Variants in TIAM1 observed in about 807,000 individuals in gnomAD.
TIAM1 encodes TIAM Rac1 associated GEF 1.
TIAM1 carries 65 observed loss-of-function variants against 163.5 expected under a neutral mutation model. That is an observed-to-expected ratio of 0.40 (90% CI 0.33 to 0.49). TIAM1 has a LOEUF of 0.49. Ranked by LOEUF, TIAM1 falls within the 20% of genes least tolerant of loss-of-function variation. TIAM1 has a pLI of 0.77. For synonymous variants in TIAM1, 833 were observed against 810.1 expected (o/e 1.03, Z -0.48); for missense variants, 1,789 against 2,044.7 (o/e 0.87, Z 2.41).
rs2087927436 is a variant in TIAM1 at position 31,225,832 on chromosome 21, T to C, written c.1703A>G (p.Lys568Arg). ...DTLRLLKSEI[K>R]KLEQKIDMDE... is the part of the protein sequence containing the mutation. ...CATGTCAATCTTCTGTTCCAGTTTT[T>C]TGATCTCTGATTTCAGGAGTCGGAG... is the stretch of plus-strand genomic sequence containing the variant. The change falls in exon 7 of 28, where the codon AAA (lysine) becomes AGA (arginine). Residue 568 changes from lysine (K) to arginine (R), a missense_variant. Physicochemically the swap from Lys to Arg is conservative, Grantham distance 26 (BLOSUM62 2). This residue lies in a region of TIAM1 where 456 missense variants were observed against 586.6 expected (regional missense o/e 0.78). Coordinates refer to ENST00000541036, the MANE Select transcript of TIAM1 (RefSeq NM_001353694.2). 2.5e-6 allele frequency: 4 copies of C among 1,614,106 alleles called. No individual in the cohort carries two copies. Among genetic ancestry groups the C allele is most frequent in the African/African-American group, 2.7e-5 (2 of 74,934 alleles).
chr21:31,166,950 C>T (rs2833320), intron 15 of TIAM1, among the ~76,000 whole-genome samples: 10,312 of 152,146 alleles, frequency 0.068, 1,207 homozygotes, highest in African/African-American at 0.24. Flanking sequence ...CTGTGGTCTG[C>T]AGAATCACAA....
intron 15 of TIAM1, among the ~76,000 whole-genome samples, chr21:31,181,756 C>CTTTTTTTTTTTTTTTTT (rs781153297): frequency 9.7e-5 from 4 of 41,332 alleles, no homozygotes; most frequent in African/African-American, 1.6e-4. Flanking sequence ...TCTTCTTCTT[C>CTTTTTTTTTTTTTTTTT]TTTTTTTTTT....
At chr21:31,503,524 AAAGGAAGGAAAG>A (rs1254267416) in intron 1 of TIAM1, among the ~76,000 whole-genome samples, 6 of 111,646 alleles carry the variant, frequency 5.4e-5, no homozygotes, top group African/African-American at 2.1e-4. Context: ...AGAGAAAGAG[AAAGGAAGGAAAG>A]AAGGAAGGAA....
chr21:31,341,652 T>C (rs933751917), intron 1 of TIAM1, among the ~76,000 whole-genome samples: 1 of 152,126 alleles, frequency 6.6e-6, no homozygotes, highest in Admixed American at 6.5e-5. Flanking sequence ...TTTGGTCCAC[T>C]GTGTGTGGTG....
intron 1 of TIAM1, among the ~76,000 whole-genome samples, chr21:31,496,611 G>GA (rs34798663): frequency 3.3e-5 from 5 of 151,540 alleles, no homozygotes; most frequent in East Asian, 1.9e-4. Context: ...TATTATTAAA[G>GA]AAAAAAAAAT....
chr21:31,506,802 T>A (rs529637111), intron 1 of TIAM1, among the ~76,000 whole-genome samples: 1 of 152,222 alleles, frequency 6.6e-6, no homozygotes, highest in South Asian at 2.1e-4. Context: ...CCTGTAATCC[T>A]AGCTACCTGG....
At chr21:31,406,851 C>T (rs1158417215) in intron 2 of TIAM1, among the ~76,000 whole-genome samples, 1 of 152,192 alleles carries the variant, frequency 6.6e-6, no homozygotes, top group South Asian at 2.1e-4. Flanking sequence ...TGCCCTGTTT[C>T]ACACAAAGTT....
intron 2 of TIAM1, among the ~76,000 whole-genome samples, chr21:31,426,250 C>T (rs2043792610): frequency 6.6e-6 from 1 of 152,144 alleles, no homozygotes; most frequent in African/African-American, 2.4e-5. Context: ...CTTTTTAACA[C>T]TTTGAGTAGC....
intron 6 of TIAM1, among the ~76,000 whole-genome samples, chr21:31,227,953 A>G (rs1422067019): frequency 2.0e-5 from 3 of 151,938 alleles, no homozygotes; most frequent in Admixed American, 2.0e-4. Flanking sequence ...ACCAGGCTGG[A>G]GTGCAGTGGC....
At chr21:31,197,332 A>G (rs981436509) in intron 12 of TIAM1, among the ~76,000 whole-genome samples, 3 of 152,198 alleles carry the variant, frequency 2.0e-5, no homozygotes, top group Admixed American at 6.5e-5. Flanking sequence ...CAGAGTTCAC[A>G]CATCATAAAT....
At chr21:31,149,679 G>T (rs1310804592) in intron 19 of TIAM1, among the ~76,000 whole-genome samples, 1 of 152,146 alleles carries the variant, frequency 6.6e-6, no homozygotes, top group Non-Finnish European at 1.5e-5. Context: ...TTTAAAGTAT[G>T]TCTATAACCA....
intron 16 of TIAM1, among the ~76,000 whole-genome samples, chr21:31,155,598 G>A (rs532506652): frequency 3.2e-4 from 49 of 152,102 alleles, no homozygotes; most frequent in African/African-American, 1.0e-3. Flanking sequence ...TCCACCTTCC[G>A]GGTTCACGCC....
At chr21:31,133,369 A>G (rs190552479) in intron 23 of TIAM1, among the ~76,000 whole-genome samples, 2 of 152,288 alleles carry the variant, frequency 1.3e-5, no homozygotes, top group East Asian at 1.9e-4. Flanking sequence ...TACAGCCCCT[A>G]TTGAGTTTGC....
At chr21:31,257,708 G>A (rs62221205) in intron 4 of TIAM1, among the ~76,000 whole-genome samples, 7 of 151,970 alleles carry the variant, frequency 4.6e-5, no homozygotes, top group Non-Finnish European at 7.4e-5. Flanking sequence ...ACCCTCCCCC[G>A]GTGTCCCGCG....
At chr21:31,471,666 T>TA (rs1474114638) in intron 1 of TIAM1, among the ~76,000 whole-genome samples, 4 of 151,804 alleles carry the variant, frequency 2.6e-5, no homozygotes, top group East Asian at 1.9e-4. Flanking sequence ...GGTCAGGAGT[T>TA]AGAGACCAGC....
intron 16 of TIAM1, 28 bp from the exon 17 acceptor site, chr21:31,154,454 C>T: frequency 6.2e-7 from 1 of 1,603,768 alleles, no homozygotes; most frequent in Non-Finnish European, 8.5e-7. Context: ...GAAGGGAAGG[C>T]AGAGGTCATT....
At chr21:31,350,173 G>C (rs1248514659) in intron 2 of TIAM1, among the ~76,000 whole-genome samples, 1 of 152,158 alleles carries the variant, frequency 6.6e-6, no homozygotes, top group Non-Finnish European at 1.5e-5. Flanking sequence ...GCCTTCCCCA[G>C]AGAGTCCCTA....
intron 2 of TIAM1, among the ~76,000 whole-genome samples, chr21:31,436,495 C>T (rs113144892): frequency 0.078 from 11,794 of 151,858 alleles, 1,516 homozygotes; most frequent in African/African-American, 0.26. Flanking sequence ...GGCATGGTTA[C>T]GCATGCCTGT....
chr21:31,330,365 T>A (rs1224334715), intron 2 of TIAM1, among the ~76,000 whole-genome samples: 1 of 152,336 alleles, frequency 6.6e-6, no homozygotes. Context: ...AAGTTTCCAA[T>A]AAACCTGCCA....
Sources: allele counts gnomAD v4.1 joint callset (sites outside exome capture counted in the v4.1 genomes callset), GRCh38; gene constraint gnomAD v4.1.1; regional missense constraint gnomAD v4.1.1; transcripts MANE v1.5; gene names NCBI Gene and HGNC (gene_info 2026-07-23, HGNC 2026-07-21).